The following GNAI1 variants were observed in gnomAD, a reference collection of about 807,000 sequenced individuals.
GNAI1 encodes guanine nucleotide-binding protein G(i) subunit alpha-1.
GNAI1 carries 11 observed loss-of-function variants against 38.9 expected under a neutral mutation model. That is an observed-to-expected ratio of 0.28 (90% CI 0.18 to 0.47). GNAI1 has a LOEUF of 0.47. GNAI1 is among the 20% of genes least tolerant of loss of function. The pLI is 0.99. For missense variants in GNAI1, 317 were observed against 436.9 expected (o/e 0.73, Z 2.45); for synonymous variants, 166 against 145.1 (o/e 1.14, Z -1.04).
intron 3 of GNAI1, among the ~76,000 whole-genome samples, chr7:80,194,772 T>G (rs1788539398): frequency 6.6e-6 from 1 of 151,502 alleles, no homozygotes; most frequent in African/African-American, 2.4e-5. Context: ...AGATTTGGGA[T>G]TTTTTTCCCC....
intron 1 of GNAI1, among the ~76,000 whole-genome samples, chr7:80,148,755 G>A (rs1188169030): frequency 6.6e-6 from 1 of 151,942 alleles, no homozygotes; most frequent in East Asian, 1.9e-4. Flanking sequence ...CTGAAAGTTA[G>A]GATTAGCTAT....
intron 1 of GNAI1, among the ~76,000 whole-genome samples, chr7:80,175,868 G>T (rs944302011): frequency 2.6e-5 from 4 of 152,128 alleles, no homozygotes; most frequent in African/African-American, 9.7e-5. Context: ...TGAGACACAG[G>T]AATATTGAAA....
Position 80,217,613 on chromosome 7 carries a change from T to TGG in GNAI1, c.*121_*122insGG, listed in dbSNP as rs1339520535. ...ATATAAGGCAAATGCATCTGGGACT[T>TGG]GACCAAAGTTGTTCTGTTTTGTTTT... On this transcript the variant is annotated 3_prime_UTR_variant, in exon 8 of 8. Coordinates refer to ENST00000649796, the MANE Select transcript of GNAI1 (RefSeq NM_002069.6). 1 of 511,696 alleles carries TGG rather than the reference T, an allele frequency of 2.0e-6. No individual in the cohort carries two copies. Among genetic ancestry groups the TGG allele is most frequent in the Admixed American group, 3.9e-5 (1 of 25,718 alleles). 31.7% of individuals were successfully genotyped at this position (511,696 alleles called of 1,614,324 possible).
chr7:80,137,089 A>G (rs1267660090), intron 1 of GNAI1, among the ~76,000 whole-genome samples: 1 of 152,068 alleles, frequency 6.6e-6, no homozygotes, highest in Non-Finnish European at 1.5e-5. Flanking sequence ...AAGTGTTTCC[A>G]CATATTGCTA....
rs1038415750 is a variant in GNAI1, at chr7:80,219,025, A to C, written c.*1532A>C. 1 of 49,602 alleles carries C rather than the reference A, an allele frequency of 2.0e-5. No homozygotes were observed. The allele number at this position is 49,602 out of a possible 1,614,324, so 3.1% of individuals were successfully genotyped here. A position where few individuals can be genotyped will look rare whatever the true frequency, so the allele number is the denominator to read the frequency against. ...ACGTGTTGTCACTGGGTTGAAGTAT[A>C]TTTGTGTGTGTGTGTGTGTGTGTGT... On this transcript the variant is annotated 3_prime_UTR_variant, in exon 8 of 8. Transcript: ENST00000649796.
intron 1 of GNAI1, among the ~76,000 whole-genome samples, chr7:80,143,782 T>A (rs2116078733): frequency 6.6e-6 from 1 of 152,300 alleles, no homozygotes; most frequent in African/African-American, 2.4e-5. Context: ...CATACATTCT[T>A]AATAATTATA....
intron 1 of GNAI1, among the ~76,000 whole-genome samples, chr7:80,158,147 C>G (rs745603447): frequency 6.6e-6 from 1 of 152,138 alleles, no homozygotes; most frequent in Non-Finnish European, 1.5e-5. Context: ...GTAAGCCTTG[C>G]GAACAAGCAG....
chr7:80,146,256 A>C (rs979594430), intron 1 of GNAI1, among the ~76,000 whole-genome samples: 1 of 152,000 alleles, frequency 6.6e-6, no homozygotes, highest in Non-Finnish European at 1.5e-5. Context: ...CTCCTAACTG[A>C]ATGCCCTGTA....
chr7:80,209,518 A>G (rs1788837658), intron 5 of GNAI1, among the ~76,000 whole-genome samples: 1 of 152,214 alleles, frequency 6.6e-6, no homozygotes, highest in East Asian at 1.9e-4. Flanking sequence ...TATAAAATAC[A>G]GCAACATCTA....
chr7:80,170,690 C>A (rs1359477686), intron 1 of GNAI1, among the ~76,000 whole-genome samples: 2 of 151,902 alleles, frequency 1.3e-5, no homozygotes, highest in African/African-American at 4.8e-5. Context: ...TTGTAAGAAA[C>A]CAGATCTCAG....
At position 80,134,845 on chromosome 7, in the gene GNAI1, T is replaced by C. The variant is rs947428264; in HGVS notation, c.-316T>C. On this transcript the variant is annotated 5_prime_UTR_variant, in exon 1 of 8. Transcript: ENST00000649796. The stretch of plus-strand genomic sequence containing the variant: ...GCGCGGAGGCCGAGCTCGGCTGGGC[T>C]TGGCGAGGCTGCGGCGCGGCCACCG... 24 of 184,462 alleles carry C rather than the reference T, an allele frequency of 1.3e-4. No individual in the cohort carries two copies. Among genetic ancestry groups the C allele is most frequent in the Non-Finnish European group, 2.3e-4 (21 of 89,942 alleles). 11.4% of individuals were successfully genotyped at this position (184,462 alleles called of 1,614,324 possible).
chr7:80,190,078 CTACTAA>C (rs1208724741), intron 3 of GNAI1, among the ~76,000 whole-genome samples: 4 of 151,846 alleles, frequency 2.6e-5, no homozygotes, highest in African/African-American at 7.2e-5. Flanking sequence ...TACTGTCTTC[CTACTAA>C]TACTATGAAG....
chr7:80,183,494 C>G (rs551014723), intron 1 of GNAI1, among the ~76,000 whole-genome samples: 1 of 152,236 alleles, frequency 6.6e-6, no homozygotes, highest in East Asian at 1.9e-4. Flanking sequence ...GGTATGAGGA[C>G]TTCAGCATAA....
At chr7:80,161,308 A>G (rs970992278) in intron 1 of GNAI1, among the ~76,000 whole-genome samples, 7 of 152,164 alleles carry the variant, frequency 4.6e-5, no homozygotes, top group African/African-American at 7.2e-5. Context: ...GTTGCTGCAT[A>G]TTGAAGGCAC....
At chr7:80,152,815 C>T (rs1787751755) in intron 1 of GNAI1, among the ~76,000 whole-genome samples, 1 of 151,902 alleles carries the variant, frequency 6.6e-6, no homozygotes. Context: ...TCCTGATATG[C>T]CCGCCTCGGC....
intron 4 of GNAI1, among the ~76,000 whole-genome samples, chr7:80,199,829 A>C (rs758004813): frequency 1.3e-5 from 2 of 152,152 alleles, no homozygotes; most frequent in Non-Finnish European, 2.9e-5. Context: ...TTTTTGAAGG[A>C]GTGCAAGATG....
At chr7:80,136,796 C>A (rs1787424031) in intron 1 of GNAI1, among the ~76,000 whole-genome samples, 2 of 152,310 alleles carry the variant, frequency 1.3e-5, no homozygotes, top group South Asian at 4.1e-4. Flanking sequence ...TTGAGCCAGC[C>A]ATCCACCATG....
At chr7:80,212,961 C>T in intron 7 of GNAI1, 92 bp downstream of exon 7, 1 of 872,254 alleles carries the variant, frequency 1.1e-6, no homozygotes, top group Non-Finnish European at 1.8e-6. Context: ...ATTTAAATCT[C>T]TTGGCTTAGT....
chr7:80,151,030 C>G (rs576821285), intron 1 of GNAI1, among the ~76,000 whole-genome samples: 10 of 152,260 alleles, frequency 6.6e-5, no homozygotes, highest in Admixed American at 6.5e-4. Context: ...ATATTGTTCT[C>G]TTCATTAGCA....
Sources: gnomAD v4.1 joint callset for allele counts (sites outside exome capture counted in the v4.1 genomes callset) on GRCh38, gnomAD v4.1.1 for gene constraint, MANE v1.5 for transcripts, NCBI Gene and HGNC (gene_info 2026-07-23, HGNC 2026-07-21) for gene names.